PTPN3: variants seen among roughly 807,000 people sequenced by gnomAD.
The protein encoded by PTPN3 is protein tyrosine phosphatase non-receptor type 3.
PTPN3 carries 96 observed loss-of-function variants against 132.7 expected under a neutral mutation model. The observed-to-expected ratio is 0.72, with a 90% CI of 0.61 to 0.86. The LOEUF (loss-of-function observed/expected upper bound fraction) is 0.86, where lower values mean the gene tolerates loss of function less well. PTPN3 is among the 40% of genes least tolerant of loss of function. The pLI, the probability that PTPN3 is intolerant of heterozygous loss-of-function variation, is 0.00. For synonymous variants in PTPN3, 398 were observed against 429.0 expected, an observed-to-expected ratio of 0.93 and a Z score of 0.89; for missense variants, 1,125 against 1,159.6, an observed-to-expected ratio of 0.97 and a Z score of 0.43.
intron 21 of PTPN3, 110 bp from the exon 22 acceptor site, chr9:109,389,489 C>G: frequency 1.7e-6 from 2 of 1,155,252 alleles, no homozygotes; most frequent in Non-Finnish European, 2.4e-6. Context: ...GAAAAATTAT[C>G]TCTTTATCAA....
intron 9 of PTPN3, among the ~76,000 whole-genome samples, chr9:109,434,944 C>T (rs1843928778): frequency 6.6e-6 from 1 of 152,156 alleles, no homozygotes; most frequent in Non-Finnish European, 1.5e-5. Context: ...CAAAACAGTG[C>T]TGATACTGTG....
chr9:109,467,184 T>A (rs925962835), intron 1 of PTPN3, among the ~76,000 whole-genome samples: 1 of 152,176 alleles, frequency 6.6e-6, no homozygotes, highest in South Asian at 2.1e-4. Flanking sequence ...ACAACAAATG[T>A]GTTCCATAAT....
In PTPN3 at chr9:109,389,349, T is replaced by C; in HGVS notation, c.2137A>G (p.Lys713Glu). ...MEIPAANLVNKYIATQGPLPH... is the reference protein window; with the variant it reads ...MEIPAANLVNEYIATQGPLPH... ...AGGGGCCCCTGAGTGGCGATGTACT[T>C]GTTCACAAGGTTAGCAGCAGGAATT... The change falls in exon 22 of 26, where the codon AAG becomes GAG. Residue 713 changes from lysine to glutamate, a missense_variant. Transcript: ENST00000374541. 2 of 1,613,818 alleles carry C rather than the reference T, an allele frequency of 1.2e-6. No individual in the cohort carries two copies. Among genetic ancestry groups the C allele is most frequent in the Non-Finnish European group, 1.7e-6 (2 of 1,179,906 alleles).
At chr9:109,521,586 C>G in the PTPN3 span, among the ~76,000 whole-genome samples, 1 of 152,194 alleles carries the variant, frequency 6.6e-6, no homozygotes, top group Non-Finnish European at 1.5e-5. Flanking sequence ...TAGGAATGAT[C>G]CCTTTGGGAA....
intron 1 of PTPN3, among the ~76,000 whole-genome samples, chr9:109,466,758 T>C (rs1413365291): frequency 6.6e-6 from 1 of 152,148 alleles, no homozygotes; most frequent in Non-Finnish European, 1.5e-5. Flanking sequence ...AGAGAAAAGA[T>C]TTGGGAGTCA....
intron 1 of PTPN3, among the ~76,000 whole-genome samples, chr9:109,483,715 A>G (rs1228345347): frequency 6.6e-6 from 1 of 152,116 alleles, no homozygotes; most frequent in African/African-American, 2.4e-5. Context: ...CATCACCCAC[A>G]ATCTGATTCC....
intron 1 of PTPN3, among the ~76,000 whole-genome samples, chr9:109,487,613 A>G (rs1236267004): frequency 1.3e-5 from 2 of 152,236 alleles, no homozygotes; most frequent in Non-Finnish European, 2.9e-5. Flanking sequence ...GCTACAGGAT[A>G]TGGAAATTCA....
the PTPN3 span, among the ~76,000 whole-genome samples, chr9:109,522,027 C>A: frequency 7.0e-4 from 107 of 152,192 alleles, no homozygotes; most frequent in African/African-American, 2.5e-3. Context: ...CTGGAATTAG[C>A]GAGTTATAAT....
the PTPN3 span, among the ~76,000 whole-genome samples, chr9:109,509,978 A>G: frequency 0.89 from 135,845 of 152,258 alleles, 60,854 homozygotes; most frequent in African/African-American, 0.97. Context: ...TTTTGTACCC[A>G]CAAGGAAATG....
At chr9:109,413,275 C>T (rs1186454203) in intron 14 of PTPN3, among the ~76,000 whole-genome samples, 4 of 152,146 alleles carry the variant, frequency 2.6e-5, no homozygotes, top group African/African-American at 9.7e-5. Flanking sequence ...ATTTTCTAAG[C>T]AGGGTTGGAG....
intron 1 of PTPN3, among the ~76,000 whole-genome samples, chr9:109,483,040 C>T (rs1847034168): frequency 1.3e-5 from 2 of 152,212 alleles, no homozygotes; most frequent in African/African-American, 4.8e-5. Flanking sequence ...CCCCAGTCTG[C>T]ATAAATCTGG....
At chr9:109,381,539 G>T in intron 25 of PTPN3, 113 bp downstream of exon 25, 1 of 1,444,310 alleles carries the variant, frequency 6.9e-7, no homozygotes, top group Admixed American at 1.7e-5. Context: ...TTGGGCAAGT[G>T]ATTCAGTCCC....
At chr9:109,445,599 A>AG (rs3835284) in intron 6 of PTPN3, among the ~76,000 whole-genome samples, 7,249 of 152,146 alleles carry the variant, frequency 0.048, 342 homozygotes, top group East Asian at 0.28. Flanking sequence ...TATCTCTAAG[A>AG]GGGGAAAAAA....
chr9:109,404,665 C>T (rs1841414996), intron 18 of PTPN3, 57 bp from the exon 19 acceptor site: 1 of 1,352,992 alleles, frequency 7.4e-7, no homozygotes, highest in East Asian at 2.6e-5. Context: ...GTTTATCCGT[C>T]TCCCTCAAAC....
chr9:109,522,362 G>A, the PTPN3 span, among the ~76,000 whole-genome samples: 1 of 152,148 alleles, frequency 6.6e-6, no homozygotes, highest in Non-Finnish European at 1.5e-5. Context: ...TCCAGGGCCT[G>A]GCCTGATGGA....
intron 1 of PTPN3, among the ~76,000 whole-genome samples, chr9:109,469,021 G>A (rs1241282942): frequency 6.6e-6 from 1 of 152,170 alleles, no homozygotes; most frequent in East Asian, 1.9e-4. Flanking sequence ...ACATCTTTGA[G>A]CTGCTCTACA....
At chr9:109,400,074 T>C (rs1186078175) in intron 19 of PTPN3, among the ~76,000 whole-genome samples, 1 of 151,892 alleles carries the variant, frequency 6.6e-6, no homozygotes, top group African/African-American at 2.4e-5. Flanking sequence ...ACCACAGGTG[T>C]GTGCCACCAT....
At chr9:109,465,698 C>CTCTG (rs1491399034) in intron 1 of PTPN3, among the ~76,000 whole-genome samples, 2 of 78,376 alleles carry the variant, frequency 2.6e-5, no homozygotes, top group East Asian at 7.6e-4. Context: ...AAGAACAAAA[C>CTCTG]TCTGTCTCAA....
At chr9:109,519,008 C>T in the PTPN3 span, among the ~76,000 whole-genome samples, 1 of 152,134 alleles carries the variant, frequency 6.6e-6, no homozygotes, top group South Asian at 2.1e-4. Context: ...CCCCTAACTT[C>T]TCCTTCTCTT....
Sources: gnomAD v4.1 joint callset for allele counts (sites outside exome capture counted in the v4.1 genomes callset) on GRCh38, gnomAD v4.1.1 for gene constraint, MANE v1.5 for transcripts, NCBI Gene and HGNC (gene_info 2026-07-23, HGNC 2026-07-21) for gene names.